CROT: variants seen among roughly 807,000 people sequenced by gnomAD.
CROT encodes carnitine O-octanoyltransferase.
Under a neutral mutation model 89.2 loss-of-function variants are expected in CROT, and 84 were observed. That is an observed-to-expected ratio of 0.94 (90% CI 0.79 to 1.13). The LOEUF (loss-of-function observed/expected upper bound fraction) is 1.13. Among genes scored for constraint, CROT ranks in the 50% most tolerant of loss-of-function variants. The pLI is 0.00. For synonymous variants in CROT, 212 were observed against 239.5 expected (o/e 0.89, Z 1.06); for missense variants, 711 against 727.8 (o/e 0.98, Z 0.27).
At chr7:87,389,752 C>T (rs536989772) in intron 13 of CROT, among the ~76,000 whole-genome samples, 2 of 152,214 alleles carry the variant, frequency 1.3e-5, no homozygotes, top group South Asian at 2.1e-4. Flanking sequence ...GCACATGTAT[C>T]CCAGAACTTT....
At chr7:87,354,974 G>T (rs973387946) in intron 3 of CROT, among the ~76,000 whole-genome samples, 6 of 151,846 alleles carry the variant, frequency 4.0e-5, no homozygotes, top group Non-Finnish European at 8.8e-5. Context: ...TGGACTTTCT[G>T]ACTTGTTCTA....
intron 3 of CROT, among the ~76,000 whole-genome samples, chr7:87,358,643 A>AGG (rs1179434185): frequency 3.3e-5 from 5 of 152,154 alleles, no homozygotes; most frequent in African/African-American, 1.2e-4. Context: ...AAATATATTT[A>AGG]TTATCCATTA....
intron 3 of CROT, chr7:87,354,492 A>G (rs1355587118): frequency 2.2e-6 from 1 of 462,978 alleles, no homozygotes; most frequent in Non-Finnish European, 4.4e-6. Flanking sequence ...TTACATTGAC[A>G]ATTTAGATGT....
chr7:87,367,367 C>G (rs1376084370), intron 6 of CROT, among the ~76,000 whole-genome samples: 1 of 152,090 alleles, frequency 6.6e-6, no homozygotes, highest in Non-Finnish European at 1.5e-5. Context: ...AGGAAGGAAA[C>G]CAATTTTCTT....
chr7:87,378,549 C>G (rs1360411426), intron 10 of CROT, among the ~76,000 whole-genome samples: 1 of 152,088 alleles, frequency 6.6e-6, no homozygotes, highest in Non-Finnish European at 1.5e-5. Context: ...TTTTGTTTGG[C>G]CTCATATTTA....
intron 13 of CROT, 132 bp downstream of exon 13, chr7:87,382,675 C>T: frequency 1.2e-6 from 1 of 835,414 alleles, no homozygotes; most frequent in Non-Finnish European, 1.8e-6. Context: ...CCTATTTGTA[C>T]TTCCATCAAT....
intron 13 of CROT, among the ~76,000 whole-genome samples, chr7:87,384,716 C>A (rs1287509725): frequency 6.6e-6 from 1 of 152,166 alleles, no homozygotes; most frequent in African/African-American, 2.4e-5. Flanking sequence ...TTTTTAACTT[C>A]ATATGATCCC....
chr7:87,346,662 A>C (rs1255404744), intron 2 of CROT, among the ~76,000 whole-genome samples: 1 of 152,220 alleles, frequency 6.6e-6, no homozygotes. Context: ...TGGGTTAAGC[A>C]CTATAGTGGG....
chr7:87,372,322 G>A (rs1806669678), intron 7 of CROT, among the ~76,000 whole-genome samples: 2 of 152,062 alleles, frequency 1.3e-5, no homozygotes, highest in African/African-American at 2.4e-5. Flanking sequence ...TCTTAATTTT[G>A]ATTTAGGCAA....
At chr7:87,346,929 CTT>C (rs910234998) in intron 2 of CROT, among the ~76,000 whole-genome samples, 3 of 152,300 alleles carry the variant, frequency 2.0e-5, no homozygotes, top group African/African-American at 7.2e-5. Context: ...GATTTGGATT[CTT>C]TTCTGGAGGC....
At chr7:87,388,118 A>G (rs1423489202) in intron 13 of CROT, among the ~76,000 whole-genome samples, 1 of 152,148 alleles carries the variant, frequency 6.6e-6, no homozygotes, top group Non-Finnish European at 1.5e-5. Context: ...CCTGGAGCCA[A>G]GACTCCAAGG....
At chr7:87,373,019 G>C (rs1584635153) in intron 7 of CROT, among the ~76,000 whole-genome samples, 1 of 152,054 alleles carries the variant, frequency 6.6e-6, no homozygotes, top group African/African-American at 2.4e-5. Context: ...AGGTCATATG[G>C]TAATTCTATG....
At chr7:87,356,776 A>T (rs1162399753) in intron 3 of CROT, among the ~76,000 whole-genome samples, 3 of 152,206 alleles carry the variant, frequency 2.0e-5, no homozygotes, top group African/African-American at 7.2e-5. Context: ...TAATCCCAGT[A>T]CTTTGGGAGG....
chr7:87,360,070 T>C (rs1290130170), intron 4 of CROT: 1 of 975,040 alleles, frequency 1.0e-6, no homozygotes, highest in East Asian at 1.1e-4. Flanking sequence ...TTGTTCTCAA[T>C]TTTGAGCCTT....
chr7:87,350,026 A>G (rs11975766), intron 3 of CROT, among the ~76,000 whole-genome samples: 7,604 of 152,268 alleles, frequency 0.05, 459 homozygotes, highest in African/African-American at 0.14. Context: ...CAGCTGCTAA[A>G]CTATTTTATC....
chr7:87,371,482 A>G (rs1485536946), intron 7 of CROT, among the ~76,000 whole-genome samples: 1 of 152,230 alleles, frequency 6.6e-6, no homozygotes, highest in African/African-American at 2.4e-5. Flanking sequence ...TATAACAAAT[A>G]ATTAACATTT....
chr7:87,375,523 G>T, intron 7 of CROT, 109 bp from the exon 8 acceptor site: 1 of 694,956 alleles, frequency 1.4e-6, no homozygotes, highest in Non-Finnish European at 2.4e-6. Flanking sequence ...GTTTCTTTGG[G>T]TAATATATCC....
chr7:87,345,701 G>C lies in CROT; in HGVS notation c.-179G>C, dbSNP rs1034072460. On this transcript the variant is annotated 5_prime_UTR_variant, in exon 1 of 18. Coordinates refer to ENST00000331536, the MANE Select transcript of CROT (RefSeq NM_021151.4). Reference sequence around the variant, plus strand: ...GCACCTTTGAGGCCCAAGGGGGAGCGAGCCGGTGCTGCTGCAGGCTGAGGC... The same window carrying C: ...GCACCTTTGAGGCCCAAGGGGGAGCCAGCCGGTGCTGCTGCAGGCTGAGGC... 1 of 369,072 alleles carries C rather than the reference G, an allele frequency of 2.7e-6. No homozygotes were observed. Among genetic ancestry groups the C allele is most frequent in the African/African-American group, 2.1e-5 (1 of 48,006 alleles). The allele number at this position is 369,072 out of a possible 1,614,324, so 22.9% of individuals were successfully genotyped here.
At position 87,379,777 on chromosome 7, in the gene CROT, T is replaced by C. The variant is rs187191040; in HGVS notation, c.979-2133T>C. Among the ~76,000 whole-genome samples, 335 of 152,304 alleles carry C rather than the reference T, an allele frequency of 2.2e-3. 4 individuals carry two copies. The highest frequency in any genetic ancestry group is 6.8e-3 in the Middle Eastern group (2 of 294). Reference sequence around the variant, plus strand: ...TTTCCCTTCTAACCTAAGATGATTATAGAGGGTGCAGTTTAACCTTTGTAA... The same window carrying C: ...TTTCCCTTCTAACCTAAGATGATTACAGAGGGTGCAGTTTAACCTTTGTAA... On this transcript the variant is annotated intron_variant, in intron 10 of 17. Coordinates refer to ENST00000331536, the MANE Select transcript of CROT (RefSeq NM_021151.4).
Sources: gnomAD v4.1 joint callset for allele counts (sites outside exome capture counted in the v4.1 genomes callset) on GRCh38, gnomAD v4.1.1 for gene constraint, MANE v1.5 for transcripts, NCBI Gene and HGNC (gene_info 2026-07-23, HGNC 2026-07-21) for gene names.